Variants in PSD4 observed in about 807,000 individuals in gnomAD.
PSD4 encodes the protein pleckstrin and Sec7 domain containing 4.
In PSD4, 59 loss-of-function variants were observed where a neutral mutation model predicts 112.5. The ratio of observed to expected loss-of-function variants is 0.52; its 90% confidence interval spans 0.43 to 0.65. The LOEUF is 0.65. PSD4 is among the 30% of genes least tolerant of loss of function. The pLI is 0.00. For missense variants in PSD4, 1,267 were observed against 1,352.6 expected, an observed-to-expected ratio of 0.94 and a Z score of 0.99; for synonymous variants, 533 against 540.0, an observed-to-expected ratio of 0.99 and a Z score of 0.18.
In PSD4 at chr2:113,196,497, G is replaced by C. The variant is rs1434965514; in HGVS notation, c.2386+190G>C. 6 of 686,492 alleles carry C rather than the reference G, an allele frequency of 8.7e-6. No individual in the cohort carries two copies. In the East Asian group the frequency reaches 1.4e-4, roughly 16 times the overall value. The allele number at this position is 686,492 out of a possible 1,614,324, so 42.5% of individuals were successfully genotyped here. On this transcript the variant is annotated intron_variant, in intron 12 of 16. Coordinates refer to ENST00000245796, the MANE Select transcript of PSD4 (RefSeq NM_012455.3). ...ATGCTGTGTGAGGCACTAGAGGGTA[G>C]GTAGGAGAACCCAGACAAAACAGGC...
In PSD4 at chr2:113,185,991, G is replaced by A. The variant is rs1558889615; in HGVS notation, c.1364G>A (p.Gly455Asp). ...AGCAGCCCAGAATCTGAGAGCAGAG[G>A]CCCTGGTCCCAGGCCCAGCCCTGCA... is the stretch of plus-strand genomic sequence containing the variant. ...EPSSPESESR[G>D]PGPRPSPASS... The change falls in exon 5 of 17, where the codon GGC becomes GAC. Residue 455 changes from glycine (G) to aspartate (D), a missense_variant. Coordinates refer to ENST00000245796, the MANE Select transcript of PSD4 (RefSeq NM_012455.3). 1.2e-6 allele frequency: 2 copies of A among 1,614,136 alleles called. No homozygotes were observed. The highest frequency in any genetic ancestry group is 1.7e-5 in the Admixed American group (1 of 60,024).
intron 8 of PSD4, 65 bp downstream of exon 8, chr2:113,193,435 G>A (rs1399286283): frequency 4.6e-6 from 7 of 1,527,754 alleles, no homozygotes; most frequent in Non-Finnish European, 6.3e-6. Context: ...CTGCTTGGGA[G>A]TTCAGTAGGT....
chr2:113,201,613 C>A lies in PSD4; in HGVS notation c.*198C>A, dbSNP rs753871585. Reference sequence around the variant, plus strand: ...TTCCTAATATTGCTGTGCTCCCCACCACCCCCATGGCAGTCCCTCCGCAGC... The same window carrying A: ...TTCCTAATATTGCTGTGCTCCCCACAACCCCCATGGCAGTCCCTCCGCAGC... On this transcript the variant is annotated 3_prime_UTR_variant, in exon 17 of 17. Transcript: ENST00000245796. The A allele has an allele frequency of 4.2e-5, 32 of 753,570 alleles. No homozygotes were observed. Among genetic ancestry groups the A allele is most frequent in the Non-Finnish European group, 6.3e-5 (30 of 478,124 alleles). The allele number at this position is 753,570 out of a possible 1,614,324, so 46.7% of individuals were successfully genotyped here. A position where few individuals can be genotyped will look rare whatever the true frequency, so the allele number is the denominator to read the frequency against.
At chr2:113,179,975 G>C (rs1173253234) in intron 1 of PSD4, among the ~76,000 whole-genome samples, 1 of 152,008 alleles carries the variant, frequency 6.6e-6, no homozygotes, top group Non-Finnish European at 1.5e-5. Flanking sequence ...CAGAGGGAGG[G>C]GTAAAAACCC....
Position 113,196,251 on chromosome 2 carries a change from C to A in PSD4, c.2330C>A (p.Thr777Asn), listed in dbSNP as rs777184106. 1.2e-6 allele frequency: 2 copies of A among 1,614,094 alleles called. No homozygotes were observed. The highest frequency in any genetic ancestry group is 1.7e-6 in the Non-Finnish European group (2 of 1,179,942). Residue 777 changes from threonine (T) to asparagine (N), a missense_variant, in exon 12 of 17, where the codon ACC becomes AAC. Thr to Asn is a moderately conservative substitution (Grantham distance 65, BLOSUM62 0). This residue lies in a region of PSD4 where 544 missense variants were observed against 648.6 expected (regional missense o/e 0.84). Transcript: ENST00000245796. ...CTGGCTCAGGATCCCACAGTGCCCA[C>A]CTACAAGCAGGGCATCCTGGCTCGG... The part of the protein sequence containing the change: ...LQLAQDPTVP[T>N]YKQGILARKM...
Position 113,175,068 on chromosome 2 carries a change from C to A in PSD4, c.-112+1014C>A, listed in dbSNP as rs375292254. Among the ~76,000 whole-genome samples, 36 of 152,272 alleles carry A rather than the reference C, an allele frequency of 2.4e-4. No individual in the cohort carries two copies. In the East Asian group the frequency reaches 6.2e-3, roughly 26 times the overall value. ...CCTAGCATGGGGATCAGAACACAGGCTGCTGAGCTCTTTGTTGGGGAAGGG... is the reference window on the plus strand; with the variant it reads ...CCTAGCATGGGGATCAGAACACAGGATGCTGAGCTCTTTGTTGGGGAAGGG... On this transcript the variant is annotated intron_variant, in intron 1 of 16. Coordinates refer to ENST00000245796, the MANE Select transcript of PSD4 (RefSeq NM_012455.3).
intron 13 of PSD4, 48 bp from the exon 14 acceptor site, chr2:113,197,699 G>A: frequency 6.2e-7 from 1 of 1,610,524 alleles, no homozygotes; most frequent in African/African-American, 1.3e-5. Flanking sequence ...CAGTCTGGAG[G>A]GTGGGCAGCT....
rs543591694 is a variant in PSD4, at chr2:113,191,464, G to A, written c.1629-916G>A. On this transcript the variant is annotated intron_variant, in intron 5 of 16. Transcript: ENST00000245796. ...TTTTTGTATTTTTAGTAGAGACAGCGTTTCGCCATGATGGCCAGGCTGGCT... is the reference window on the plus strand; with the variant it reads ...TTTTTGTATTTTTAGTAGAGACAGCATTTCGCCATGATGGCCAGGCTGGCT... Among the ~76,000 whole-genome samples the A allele has an allele frequency of 7.9e-5, 12 of 152,230 alleles. No individual in the cohort carries two copies. The South Asian group carries it at 1.5e-3, about 18-fold the overall frequency.
rs760818477 is a variant in PSD4, at chr2:113,193,699, G to C, written c.2091+49G>C. ...GTGGGAACTGAGGCTGTAACAAGGG[G>C]TGCGGGGAGGAGAAGACCAGAGGCC... On this transcript the variant is annotated intron_variant, in intron 9 of 16. Transcript: ENST00000245796. 1.9e-6 allele frequency: 3 copies of C among 1,588,246 alleles called. No individual in the cohort carries two copies. The South Asian group carries it at 3.3e-5, about 18-fold the overall frequency.
At chr2:113,195,792 C>T (rs781201436) in intron 11 of PSD4, 22 bp downstream of exon 11, 1 of 1,613,870 alleles carries the variant, frequency 6.2e-7, no homozygotes, top group Non-Finnish European at 8.5e-7. Flanking sequence ...TCCCTTTCCC[C>T]TCTCCCTCTC....
In PSD4 at chr2:113,193,867, G is replaced by A. The variant is rs1688527146; in HGVS notation, c.2100G>A (p.Gly700=). The A allele has an allele frequency of 3.1e-6, 5 of 1,614,116 alleles. No individual in the cohort carries two copies. Among genetic ancestry groups the A allele is most frequent in the Non-Finnish European group, 4.2e-6 (5 of 1,179,992 alleles). The change falls in exon 10 of 17, where the codon GGG becomes GGA. Residue 700 remains glycine (G), a synonymous_variant. Transcript: ENST00000245796. ...CTTCTCCGTGGCTACAGAACATTGG[G>A]AAGAGCATGAGCTGCCAGGAATTCA... is the stretch of plus-strand genomic sequence containing the variant. ...LNTDLHGQNI[G]KSMSCQEFIT...
chr2:113,193,813 G>A (rs1476879830), intron 9 of PSD4, 46 bp from the exon 10 acceptor site: 2 of 1,591,996 alleles, frequency 1.3e-6, no homozygotes, highest in Non-Finnish European at 1.7e-6. Flanking sequence ...TTATTCTATT[G>A]GGATGGGGTG....
At position 113,201,431 on chromosome 2, in the gene PSD4, A is replaced by C. The variant is rs776364270; in HGVS notation, c.*16A>C. The C allele has an allele frequency of 2.5e-6, 4 of 1,612,298 alleles. No homozygotes were observed. The South Asian group carries it at 4.4e-5, about 18-fold the overall frequency. On this transcript the variant is annotated 3_prime_UTR_variant, in exon 17 of 17. Coordinates refer to ENST00000245796, the MANE Select transcript of PSD4 (RefSeq NM_012455.3). ...TCAGCTGTGAAGCCAGCACCACCTC[A>C]GAGACACTGTTCCCTGCTCCAGGGT... is the stretch of plus-strand genomic sequence containing the variant.
At chr2:113,193,541 G>A in intron 8 of PSD4, 51 bp from the exon 9 acceptor site, 2 of 1,578,162 alleles carry the variant, frequency 1.3e-6, no homozygotes, top group South Asian at 1.1e-5. Flanking sequence ...AGAGGAAACA[G>A]GAGCCCTGGT....
chr2:113,199,078 C>T lies in PSD4; in HGVS notation c.2770-5C>T, dbSNP rs1312435085. 2.6e-6 allele frequency: 4 copies of T among 1,525,600 alleles called. 1 individual carries two copies. The highest frequency in any genetic ancestry group is 3.5e-6 in the Non-Finnish European group (4 of 1,138,564). 94.5% of individuals were successfully genotyped at this position (1,525,600 alleles called of 1,614,324 possible). On this transcript the variant is annotated splice_region_variant and splice_polypyrimidine_tract_variant and intron_variant, in intron 15 of 16. Coordinates refer to ENST00000245796, the MANE Select transcript of PSD4 (RefSeq NM_012455.3). ...ACAGCGCCCCTCACCGCCCGCTGCT[C>T]GCAGGAGGAGCAGCATCGATCCCAC... is the stretch of plus-strand genomic sequence containing the variant.
chr2:113,174,942 T>C, intron 1 of PSD4, among the ~76,000 whole-genome samples: 1 of 152,176 alleles, frequency 6.6e-6, no homozygotes, highest in East Asian at 1.9e-4. Context: ...TCATTGGACC[T>C]TGGACCAGCT....
chr2:113,197,833 C>T lies in PSD4; in HGVS notation c.2544C>T (p.Thr848=), dbSNP rs1292915468. ...EPVGVHHSLA[T]PATHYTKKPH... is the part of the protein sequence containing the mutation. ...TGGGGGTGCACCACTCGCTGGCCAC[C>T]CCCGCCACGCATTACACCAAGAAGC... Residue 848 remains threonine, a synonymous_variant, in exon 14 of 17, where the codon ACC becomes ACT. Coordinates refer to ENST00000245796, the MANE Select transcript of PSD4 (RefSeq NM_012455.3). The T allele has an allele frequency of 3.7e-6, 6 of 1,610,770 alleles. No homozygotes were observed. Among genetic ancestry groups the T allele is most frequent in the East Asian group, 2.2e-5 (1 of 44,830 alleles).
intron 5 of PSD4, among the ~76,000 whole-genome samples, chr2:113,189,532 A>G (rs1688395464): frequency 6.6e-6 from 1 of 152,200 alleles, no homozygotes; most frequent in African/African-American, 2.4e-5. Flanking sequence ...GTAGATACCC[A>G]GTAGTGGGAT....
chr2:113,174,872 CCT>C (rs1687925506), intron 1 of PSD4, among the ~76,000 whole-genome samples: 2 of 152,322 alleles, frequency 1.3e-5, no homozygotes, highest in African/African-American at 2.4e-5. Flanking sequence ...TGAAGTCACT[CCT>C]CTGCTAGAAT....
Sources: allele counts gnomAD v4.1 joint callset (sites outside exome capture counted in the v4.1 genomes callset), GRCh38; gene constraint gnomAD v4.1.1; regional missense constraint gnomAD v4.1.1; transcripts MANE v1.5; gene names NCBI Gene and HGNC (gene_info 2026-07-23, HGNC 2026-07-21).